IMMP2L: variants seen among roughly 807,000 people sequenced by gnomAD.
IMMP2L encodes the protein mitochondrial inner membrane protease subunit 2.
A neutral mutation model predicts 19.3 loss-of-function variants in IMMP2L; 18 were observed. The observed-to-expected ratio is 0.93, with a 90% CI of 0.64 to 1.38. The LOEUF is 1.38. Among genes scored for constraint, IMMP2L ranks in the 40% most tolerant of loss-of-function variants. The pLI, the probability that IMMP2L is intolerant of heterozygous loss-of-function variation, is 0.00. For missense variants in IMMP2L, 233 were observed against 218.2 expected (o/e 1.07, Z -0.43); for synonymous variants, 76 against 73.0 (o/e 1.04, Z -0.21).
chr7:110,819,126 A>C (rs1022182627), intron 5 of IMMP2L, among the ~76,000 whole-genome samples: 6 of 152,034 alleles, frequency 3.9e-5, no homozygotes, highest in African/African-American at 1.4e-4. Context: ...AAAATAAAAA[A>C]AAGAAAAAAA....
intron 5 of IMMP2L, among the ~76,000 whole-genome samples, chr7:110,687,104 T>C (rs924972516): frequency 2.0e-5 from 3 of 152,040 alleles, no homozygotes; most frequent in African/African-American, 7.2e-5. Context: ...TTCGCTAAAA[T>C]ACAAACAAAC....
At chr7:111,280,893 C>A (rs1315183399) in intron 3 of IMMP2L, among the ~76,000 whole-genome samples, 2 of 151,798 alleles carry the variant, frequency 1.3e-5, no homozygotes, top group East Asian at 3.9e-4. Flanking sequence ...CACGGTGAAA[C>A]CCTGTCTCTA....
chr7:110,784,589 T>A (rs544479743), intron 5 of IMMP2L, among the ~76,000 whole-genome samples: 3 of 152,100 alleles, frequency 2.0e-5, no homozygotes, highest in African/African-American at 7.2e-5. Flanking sequence ...GTAAATGTGA[T>A]CACCCCTCAT....
intron 5 of IMMP2L, among the ~76,000 whole-genome samples, chr7:110,840,049 A>C (rs1055891409): frequency 6.6e-5 from 10 of 152,202 alleles, no homozygotes; most frequent in Non-Finnish European, 1.3e-4. Flanking sequence ...AAAACGGCAG[A>C]ACATAGAGAA....
intron 3 of IMMP2L, among the ~76,000 whole-genome samples, chr7:111,038,792 G>A (rs776122465): frequency 6.6e-6 from 1 of 151,890 alleles, no homozygotes; most frequent in African/African-American, 2.4e-5. Context: ...AAATTAAAGG[G>A]GATAATCTTT....
chr7:110,993,116 AT>A (rs569566628), intron 3 of IMMP2L, among the ~76,000 whole-genome samples: 11 of 150,608 alleles, frequency 7.3e-5, no homozygotes, highest in African/African-American at 2.4e-4. Flanking sequence ...TACTACATCA[AT>A]TTTTTTTTTA....
chr7:111,384,636 A>G (rs1217680319), intron 3 of IMMP2L, among the ~76,000 whole-genome samples: 4 of 152,090 alleles, frequency 2.6e-5, no homozygotes, highest in African/African-American at 9.7e-5. Flanking sequence ...TCAGCCAATC[A>G]CTGCTCCATT....
intron 3 of IMMP2L, among the ~76,000 whole-genome samples, chr7:111,094,257 A>C (rs534347942): frequency 6.6e-6 from 1 of 152,230 alleles, no homozygotes; most frequent in South Asian, 2.1e-4. Context: ...AAAAACACTT[A>C]TGTAAGTTAA....
At chr7:111,277,854 C>T (rs1039524837) in intron 3 of IMMP2L, among the ~76,000 whole-genome samples, 12 of 152,056 alleles carry the variant, frequency 7.9e-5, no homozygotes, top group African/African-American at 2.9e-4. Context: ...CAGCAGAAGA[C>T]TGGATAAAGA....
At chr7:110,745,982 A>G (rs1331921184) in intron 5 of IMMP2L, among the ~76,000 whole-genome samples, 2 of 152,106 alleles carry the variant, frequency 1.3e-5, no homozygotes, top group Non-Finnish European at 2.9e-5. Context: ...TCAAGACCCA[A>G]TGGTGTGCTG....
At chr7:111,217,043 G>T (rs1562936781) in intron 3 of IMMP2L, among the ~76,000 whole-genome samples, 1 of 151,540 alleles carries the variant, frequency 6.6e-6, no homozygotes, top group Non-Finnish European at 1.5e-5. Context: ...AATTGCCAGT[G>T]TAAATTCTTA....
chr7:110,970,307 A>G (rs1488590215), intron 3 of IMMP2L, among the ~76,000 whole-genome samples: 2 of 152,162 alleles, frequency 1.3e-5, no homozygotes, highest in African/African-American at 4.8e-5. Flanking sequence ...CAAAACACAG[A>G]ATAGTGCAAT....
chr7:111,185,185 CAAG>C (rs1328210705), intron 3 of IMMP2L, among the ~76,000 whole-genome samples: 2 of 152,120 alleles, frequency 1.3e-5, no homozygotes, highest in African/African-American at 4.8e-5. Context: ...CCACCTGTCC[CAAG>C]AAGTTTTGTT....
chr7:111,261,545 T>G (rs1817311954), intron 3 of IMMP2L, among the ~76,000 whole-genome samples: 1 of 152,014 alleles, frequency 6.6e-6, no homozygotes, highest in Non-Finnish European at 1.5e-5. Flanking sequence ...TGAACAGAAC[T>G]CAGGAAGGCT....
chr7:111,017,654 TA>T lies in IMMP2L; in HGVS notation c.240-54090del, dbSNP rs1825849447. 2.0e-5 allele frequency among the ~76,000 whole-genome samples: 3 copies of T among 152,160 alleles called. No individual in the cohort carries two copies. In the South Asian group the frequency reaches 6.2e-4, roughly 32 times the overall value. ...ATCTTAAGGGACACAATCCCTTCTT[TA>T]CCAGCAGGTAGAGGTTTCCTTGGTT... On this transcript the variant is annotated intron_variant, in intron 3 of 5. Transcript: ENST00000405709.
chr7:110,866,680 T>C (rs1356747977), intron 5 of IMMP2L, among the ~76,000 whole-genome samples: 1 of 152,124 alleles, frequency 6.6e-6, no homozygotes, highest in Non-Finnish European at 1.5e-5. Flanking sequence ...TTAATTACTC[T>C]TTTAAGGATA....
At chr7:111,091,903 C>T (rs1020763356) in intron 3 of IMMP2L, among the ~76,000 whole-genome samples, 1 of 151,904 alleles carries the variant, frequency 6.6e-6, no homozygotes, top group Admixed American at 6.6e-5. Context: ...AGGAGAGTCA[C>T]GGGTGATGGG....
chr7:110,706,093 C>T (rs1421862337), intron 5 of IMMP2L, among the ~76,000 whole-genome samples: 2 of 152,006 alleles, frequency 1.3e-5, no homozygotes, highest in Admixed American at 6.6e-5. Context: ...AATAGGATTA[C>T]TGGGTCAAAT....
intron 5 of IMMP2L, among the ~76,000 whole-genome samples, chr7:110,774,697 A>G (rs1327455523): frequency 6.6e-6 from 1 of 152,086 alleles, no homozygotes; most frequent in Non-Finnish European, 1.5e-5. Context: ...TTAGAACAGT[A>G]ACATGCTATA....
Sources: allele counts gnomAD v4.1 joint callset (sites outside exome capture counted in the v4.1 genomes callset), GRCh38; gene constraint gnomAD v4.1.1; transcripts MANE v1.5; gene names NCBI Gene and HGNC (gene_info 2026-07-23, HGNC 2026-07-21).